Variants in KIAA1217 observed in about 807,000 individuals in gnomAD.
KIAA1217 encodes the protein KIAA1217.
A neutral mutation model predicts 163.9 loss-of-function variants in KIAA1217; 88 were observed. The observed-to-expected ratio is 0.54, with a 90% CI of 0.45 to 0.64. The LOEUF is 0.64. Among genes scored for constraint, KIAA1217 ranks in the 30% least tolerant of loss-of-function variants. KIAA1217 has a pLI of 0.00. For missense variants in KIAA1217, 2,372 were observed against 2,475.0 expected, an observed-to-expected ratio of 0.96 and a Z score of 0.88; for synonymous variants, 903 against 923.1, an observed-to-expected ratio of 0.98 and a Z score of 0.39.
intron 1 of KIAA1217, among the ~76,000 whole-genome samples, chr10:23,971,301 C>A (rs1357989476): frequency 6.6e-6 from 1 of 152,186 alleles, no homozygotes; most frequent in African/African-American, 2.4e-5. Flanking sequence ...CATGCTTGAG[C>A]CCACTCGCCC....
Position 23,857,154 on chromosome 10 carries a change from C to T in KIAA1217, c.-320-150071C>T, listed in dbSNP as rs181413642. On this transcript the variant is annotated intron_variant, in intron 1 of 18. Transcript: ENST00000376462. Reference sequence around the variant, plus strand: ...AGCTGTTCCTATTCGGCCATCTTGGCGCTCTCTCAGGGATTACAATTTTAT... The same window carrying T: ...AGCTGTTCCTATTCGGCCATCTTGGTGCTCTCTCAGGGATTACAATTTTAT... Among the ~76,000 whole-genome samples the T allele has an allele frequency of 4.5e-4, 69 of 152,324 alleles. 2 individuals carry two copies. In the East Asian group the frequency reaches 8.5e-3, roughly 19 times the overall value.
intron 1 of KIAA1217, among the ~76,000 whole-genome samples, chr10:23,918,733 T>TATACACACACACACACAC (rs769797460): frequency 6.8e-6 from 1 of 147,478 alleles, no homozygotes; most frequent in African/African-American, 2.5e-5. Flanking sequence ...ATTAAATATA[T>TATACACACACACACACAC]ACACACACAC....
intron 6 of KIAA1217, among the ~76,000 whole-genome samples, chr10:24,488,741 T>C (rs1022038840): frequency 2.0e-5 from 3 of 152,246 alleles, no homozygotes; most frequent in African/African-American, 7.2e-5. Flanking sequence ...TGGGTTTTTT[T>C]TTCCTCATAC....
At chr10:23,723,775 T>A (rs1837988817) in intron 1 of KIAA1217, among the ~76,000 whole-genome samples, 1 of 152,220 alleles carries the variant, frequency 6.6e-6, no homozygotes, top group South Asian at 2.1e-4. Context: ...TTTGCTGATT[T>A]TTTTTAAAAA....
chr10:23,873,727 G>A (rs903536831), intron 1 of KIAA1217, among the ~76,000 whole-genome samples: 1 of 151,006 alleles, frequency 6.6e-6, no homozygotes, highest in Non-Finnish European at 1.5e-5. Flanking sequence ...TGTCTCACTC[G>A]CCATCTATCT....
At chr10:23,777,013 A>T (rs567743157) in intron 1 of KIAA1217, among the ~76,000 whole-genome samples, 75 of 152,248 alleles carry the variant, frequency 4.9e-4, no homozygotes, top group African/African-American at 1.7e-3. Context: ...TTCTTTAAGC[A>T]TAGCCTGTGT....
intron 1 of KIAA1217, among the ~76,000 whole-genome samples, chr10:23,980,413 G>C (rs1041427613): frequency 1.3e-5 from 2 of 152,202 alleles, no homozygotes; most frequent in Non-Finnish European, 2.9e-5. Flanking sequence ...GCAGGACTAA[G>C]GAAGGTGTCT....
intron 1 of KIAA1217, 28 bp downstream of exon 1, chr10:24,209,291 A>G: frequency 1.9e-6 from 3 of 1,564,790 alleles, no homozygotes; most frequent in Non-Finnish European, 8.8e-7. Flanking sequence ...TCAAAGATGG[A>G]GTTACAGGGA....
At chr10:24,168,674 C>T (rs576042581) in intron 2 of KIAA1217, among the ~76,000 whole-genome samples, 64 of 152,320 alleles carry the variant, frequency 4.2e-4, no homozygotes, top group African/African-American at 1.5e-3. Flanking sequence ...TGACACTCCC[C>T]AGAAGCAGAA....
At chr10:24,033,071 T>C (rs957245091) in intron 2 of KIAA1217, among the ~76,000 whole-genome samples, 1 of 152,162 alleles carries the variant, frequency 6.6e-6, no homozygotes, top group Non-Finnish European at 1.5e-5. Flanking sequence ...CCCAAAAAAG[T>C]TCCTCTTGGC....
intron 1 of KIAA1217, among the ~76,000 whole-genome samples, chr10:23,816,485 G>A (rs1375580121): frequency 6.6e-6 from 1 of 152,138 alleles, no homozygotes; most frequent in Admixed American, 6.6e-5. Context: ...TACAGATGAG[G>A]TTTCACCATA....
intron 5 of KIAA1217, among the ~76,000 whole-genome samples, chr10:24,439,307 C>G (rs1432902010): frequency 6.6e-6 from 1 of 152,064 alleles, no homozygotes; most frequent in Non-Finnish European, 1.5e-5. Context: ...AGACACTGTG[C>G]CATTTTTTCT....
chr10:23,788,735 A>G (rs1344061284), intron 1 of KIAA1217, among the ~76,000 whole-genome samples: 1 of 152,232 alleles, frequency 6.6e-6, no homozygotes, highest in Non-Finnish European at 1.5e-5. Flanking sequence ...CATGAGCAGC[A>G]CTTGTCAGGC....
At chr10:24,079,712 T>C (rs1205170497) in intron 2 of KIAA1217, among the ~76,000 whole-genome samples, 3 of 152,182 alleles carry the variant, frequency 2.0e-5, no homozygotes, top group African/African-American at 7.2e-5. Flanking sequence ...CCCCTGATGA[T>C]GGTTGTGATA....
chr10:24,251,400 C>CAAAAAAAAAAAAAAAAAAAAAAAAAAA (rs55668887), intron 2 of KIAA1217, among the ~76,000 whole-genome samples: 3 of 90,532 alleles, frequency 3.3e-5, no homozygotes, highest in East Asian at 3.1e-4. Context: ...GACACTGTCT[C>CAAAAAAAAAAAAAAAAAAAAAAAAAAA]AAAAAAAAAA....
Position 24,532,973 on chromosome 10 carries a change from C to G in KIAA1217, c.3247-97C>G, listed in dbSNP as rs368492350. On this transcript the variant is annotated intron_variant, in intron 15 of 20. Coordinates refer to ENST00000376454, the MANE Select transcript of KIAA1217 (RefSeq NM_019590.5). ...ATTTTCTCAGCTAAGATCTAGGAAGCAAGTGTTCTAGACAGTGAGGGACCA... is the reference window on the plus strand; with the variant it reads ...ATTTTCTCAGCTAAGATCTAGGAAGGAAGTGTTCTAGACAGTGAGGGACCA... 49 of 1,038,228 alleles carry G rather than the reference C, an allele frequency of 4.7e-5. No individual in the cohort carries two copies. In the East Asian group the frequency reaches 1.3e-3, roughly 27 times the overall value. 64.3% of individuals were successfully genotyped at this position (1,038,228 alleles called of 1,614,324 possible). A position where few individuals can be genotyped will look rare whatever the true frequency, so the allele number is the denominator to read the frequency against.
chr10:23,868,871 T>A (rs558306175), intron 1 of KIAA1217, among the ~76,000 whole-genome samples: 49 of 152,274 alleles, frequency 3.2e-4, no homozygotes, highest in African/African-American at 1.1e-3. Flanking sequence ...AAGTATCTTG[T>A]CTTTGGAAAA....
chr10:24,012,234 GT>G (rs1381588836), intron 2 of KIAA1217, among the ~76,000 whole-genome samples: 1 of 152,078 alleles, frequency 6.6e-6, no homozygotes, highest in East Asian at 1.9e-4. Context: ...CAAAATGGTG[GT>G]TTTAAACTCC....
Position 23,789,302 on chromosome 10 carries a change from T to C in KIAA1217, c.-321+94068T>C, listed in dbSNP as rs566314369. Among the ~76,000 whole-genome samples the C allele has an allele frequency of 1.1e-4, 17 of 152,330 alleles. No homozygotes were observed. The East Asian group carries it at 3.3e-3, about 29-fold the overall frequency. ...GAAAAAGACTACTGTGTGAGTAATC[T>C]GGTATTGTACAGTACACTGATTATC... On this transcript the variant is annotated intron_variant, in intron 1 of 18. Coordinates refer to the KIAA1217 transcript ENST00000376462.
Sources: allele counts gnomAD v4.1 joint callset (sites outside exome capture counted in the v4.1 genomes callset), GRCh38; gene constraint gnomAD v4.1.1; transcripts MANE v1.5; gene names NCBI Gene and HGNC (gene_info 2026-07-23, HGNC 2026-07-21).